Variants in FAM13B observed in about 807,000 individuals in gnomAD.
FAM13B encodes family with sequence similarity 13 member B, also known as protein FAM13B.
In FAM13B, 60 loss-of-function variants were observed where a neutral mutation model predicts 117.3. The ratio of observed to expected loss-of-function variants is 0.51; its 90% CI spans 0.42 to 0.63. The LOEUF is 0.63. FAM13B is among the 30% of genes least tolerant of loss of function. FAM13B has a pLI of 0.00. For missense variants in FAM13B, 972 were observed against 1,091.9 expected (o/e 0.89, Z 1.55); for synonymous variants, 332 against 356.1 (o/e 0.93, Z 0.76).
chr5:138,007,739 AG>A (rs1782912413), intron 6 of FAM13B, among the ~76,000 whole-genome samples: 1 of 152,244 alleles, frequency 6.6e-6, no homozygotes, highest in South Asian at 2.1e-4. Flanking sequence ...TCTTGCTAGC[AG>A]GAGCTCTAAA....
At chr5:137,963,858 T>A (rs6860297) in intron 10 of FAM13B, among the ~76,000 whole-genome samples, 112,245 of 152,006 alleles carry the variant, frequency 0.74, 42,094 homozygotes, top group East Asian at 0.97. Context: ...ATCTAACTAA[T>A]GCTTTGATGA....
chr5:138,005,729 C>T (rs1389600435), intron 7 of FAM13B, among the ~76,000 whole-genome samples: 4 of 151,762 alleles, frequency 2.6e-5, no homozygotes, highest in African/African-American at 9.7e-5. Context: ...TTGAAGAAAC[C>T]ATAGATAATA....
rs1125979 is a variant in FAM13B at position 137,946,019 on chromosome 5, A to C, written c.2245-22T>G. On this transcript the variant is annotated intron_variant, in intron 19 of 23. Transcript: ENST00000689681. ...TCACCTGAAGCAAGAAAAAAAAGAAATTGTCTAGTCATCACAAATCTAAAA... is the reference window on the plus strand; with the variant it reads ...TCACCTGAAGCAAGAAAAAAAAGAACTTGTCTAGTCATCACAAATCTAAAA... The C allele has an allele frequency of 0.78, 1,241,260 of 1,582,992 alleles. 489,551 individuals are homozygous for C. Among genetic ancestry groups the C allele is most frequent in the East Asian group, 0.97 (43,301 of 44,694 alleles).
chr5:138,007,603 C>T (rs1782876573), intron 6 of FAM13B, among the ~76,000 whole-genome samples: 1 of 152,112 alleles, frequency 6.6e-6, no homozygotes, highest in Non-Finnish European at 1.5e-5. Context: ...AAGATGTTAG[C>T]TACATTTTAG....
intron 20 of FAM13B, among the ~76,000 whole-genome samples, chr5:137,943,876 ATATAAT>A (rs1762615033): frequency 6.6e-6 from 1 of 152,200 alleles, no homozygotes; most frequent in Non-Finnish European, 1.5e-5. Context: ...CTTTATTAAG[ATATAAT>A]TATATATCAT....
At chr5:138,005,025 G>T (rs1042283066) in intron 7 of FAM13B, among the ~76,000 whole-genome samples, 1 of 152,086 alleles carries the variant, frequency 6.6e-6, no homozygotes. Context: ...ATCACTTGAG[G>T]CCAGGAGTTT....
chr5:137,970,151 A>G (rs986605151), intron 10 of FAM13B, among the ~76,000 whole-genome samples: 3 of 151,998 alleles, frequency 2.0e-5, no homozygotes, highest in Admixed American at 1.3e-4. Flanking sequence ...ACCAAGACAC[A>G]TAATTGTCAG....
chr5:137,954,170 T>G lies in FAM13B; in HGVS notation c.1714A>C (p.Thr572Pro), dbSNP rs764563918. ...AAGTACATAAAAATCATATACCTAG[T>G]AAAAGACAGTGCTTTAGATGAGGAA... ...LDSSSKALSFTRIRRSSFSSK... is the reference protein window; with the variant it reads ...LDSSSKALSFPRIRRSSFSSK... Residue 572 changes from threonine to proline, a missense_variant, in exon 15 of 24, where the codon ACT becomes CCT. Thr to Pro is a conservative substitution (Grantham distance 38, BLOSUM62 -1). Coordinates refer to ENST00000689681, the MANE Select transcript of FAM13B (RefSeq NM_001385994.1). The G allele has an allele frequency of 1.2e-6, 2 of 1,613,132 alleles. No individual in the cohort carries two copies. The highest frequency in any genetic ancestry group is 1.7e-6 in the Non-Finnish European group (2 of 1,179,402).
At chr5:138,010,493 T>C (rs1422909693) in intron 6 of FAM13B, among the ~76,000 whole-genome samples, 1 of 152,202 alleles carries the variant, frequency 6.6e-6, no homozygotes, top group Non-Finnish European at 1.5e-5. Flanking sequence ...CAGAAAGAGA[T>C]TTTAATATTC....
chr5:138,027,028 A>G (rs1356087883), intron 1 of FAM13B, among the ~76,000 whole-genome samples: 1 of 152,048 alleles, frequency 6.6e-6, no homozygotes, highest in Non-Finnish European at 1.5e-5. Flanking sequence ...CCAGCTACTC[A>G]GGAGGCTGAG....
rs1761047632 is a variant in FAM13B at position 137,939,522 on chromosome 5, C to T, written c.*703G>A. 1 of 154,484 alleles carries T rather than the reference C, an allele frequency of 6.5e-6. No individual in the cohort carries two copies. Among genetic ancestry groups the T allele is most frequent in the African/African-American group, 2.4e-5 (1 of 41,448 alleles). The allele number at this position is 154,484 out of a possible 1,614,324, so 9.6% of individuals were successfully genotyped here. A position where few individuals can be genotyped will look rare whatever the true frequency, so the allele number is the denominator to read the frequency against. The stretch of plus-strand genomic sequence containing the variant: ...CCCATAGGCAGCATGTGGTATGATT[C>T]AGTTCTGTGTGTGATGTGTGGTGTG... On this transcript the variant is annotated 3_prime_UTR_variant, in exon 24 of 24. Coordinates refer to ENST00000689681, the MANE Select transcript of FAM13B (RefSeq NM_001385994.1).
chr5:137,965,473 C>A (rs1769426813), intron 10 of FAM13B, among the ~76,000 whole-genome samples: 1 of 152,188 alleles, frequency 6.6e-6, no homozygotes, highest in African/African-American at 2.4e-5. Flanking sequence ...GTCTCCATCC[C>A]TTCCTTAGGG....
At chr5:138,014,234 G>A (rs2150931057) in intron 4 of FAM13B, among the ~76,000 whole-genome samples, 1 of 152,346 alleles carries the variant, frequency 6.6e-6, no homozygotes, top group South Asian at 2.1e-4. Flanking sequence ...CCCACGCCCA[G>A]CCATGAGGGC....
At chr5:138,018,271 T>C (rs1212582898) in intron 4 of FAM13B, 31 bp downstream of exon 4, 2 of 1,528,366 alleles carry the variant, frequency 1.3e-6, no homozygotes, top group Middle Eastern at 1.8e-4. Context: ...TAACAACAAA[T>C]GACCAATTGA....
chr5:137,961,438 T>C (rs1768091011), intron 11 of FAM13B, among the ~76,000 whole-genome samples: 1 of 152,160 alleles, frequency 6.6e-6, no homozygotes, highest in African/African-American at 2.4e-5. Flanking sequence ...TAATTTTATA[T>C]CTTCAGCCCA....
At position 137,983,213 on chromosome 5, in the gene FAM13B, A is replaced by AAAAAAAC. The variant is rs1561492748; in HGVS notation, c.1179+2043_1179+2044insGTTTTTT. On this transcript the variant is annotated intron_variant, in intron 10 of 23. Coordinates refer to ENST00000689681, the MANE Select transcript of FAM13B (RefSeq NM_001385994.1). The stretch of plus-strand genomic sequence containing the variant: ...AAAAAAAAAAAAAAAAAAAAAAAAA[A>AAAAAAAC]AACCGAGTGAGATATCCTGAATGCC... Among the ~76,000 whole-genome samples, 44 of 93,712 alleles carry AAAAAAAC rather than the reference A, an allele frequency of 4.7e-4. 3 individuals are homozygous for AAAAAAAC. Among genetic ancestry groups the AAAAAAAC allele is most frequent in the Non-Finnish European group, 5.5e-4 (24 of 43,930 alleles). The allele number at this position is 93,712 out of a possible 152,430, so 61.5% of individuals were successfully genotyped here. A position where few individuals can be genotyped will look rare whatever the true frequency, so the allele number is the denominator to read the frequency against.
At chr5:137,965,004 A>G (rs1769259221) in intron 10 of FAM13B, among the ~76,000 whole-genome samples, 1 of 152,028 alleles carries the variant, frequency 6.6e-6, no homozygotes, top group African/African-American at 2.4e-5. Flanking sequence ...CCGTCTACTA[A>G]AAATACAAAA....
At position 137,949,140 on chromosome 5, in the gene FAM13B, G is replaced by T. The variant is rs772160288; in HGVS notation, c.1975C>A (p.Arg659Ser). The T allele has an allele frequency of 3.1e-6, 5 of 1,613,968 alleles. No individual in the cohort carries two copies. The highest frequency in any genetic ancestry group is 4.2e-6 in the Non-Finnish European group (5 of 1,180,032). ...NSDGEFVPQTRPRSNTLPKSF... is the reference protein window; with the variant it reads ...NSDGEFVPQTSPRSNTLPKSF... ...TTTGGAAGTGTGTTACTACGTGGAC[G>T]TGTCTGAGGTACAAATTCTCCATCA... The change falls in exon 18 of 24, where the codon CGT becomes AGT. Residue 659 changes from arginine (R) to serine (S), a missense_variant. Physicochemically the swap from Arg to Ser is moderately radical, Grantham distance 110. Transcript: ENST00000689681.
chr5:138,018,991 T>C lies in FAM13B; in HGVS notation c.121A>G (p.Ile41Val), dbSNP rs1451125084. Residue 41 changes from isoleucine to valine, a missense_variant, in exon 3 of 24, where the codon ATA becomes GTA. Transcript: ENST00000689681. The part of the protein sequence containing the change: ...GGHPDNEVPF[I>V]VRHVVDYIEE... ...ATATAGTCCACAACGTGGCGGACTATGAATGGAACCTCATTGTCTGGATGT... is the reference window on the plus strand; with the variant it reads ...ATATAGTCCACAACGTGGCGGACTACGAATGGAACCTCATTGTCTGGATGT... The C allele has an allele frequency of 5.0e-6, 8 of 1,614,068 alleles. No homozygotes were observed. The East Asian group carries it at 1.6e-4, about 31-fold the overall frequency.
Sources: allele counts gnomAD v4.1 joint callset (sites outside exome capture counted in the v4.1 genomes callset), GRCh38; gene constraint gnomAD v4.1.1; transcripts MANE v1.5; gene names NCBI Gene and HGNC (gene_info 2026-07-23, HGNC 2026-07-21).